The following TJP1 variants were observed in gnomAD, a reference collection of about 807,000 sequenced individuals.
The protein encoded by TJP1 is tight junction protein 1, also known as tight junction protein ZO-1.
Under a neutral mutation model 194.2 loss-of-function variants are expected in TJP1, and 43 were observed. The ratio of observed to expected loss-of-function variants is 0.22; its 90% CI spans 0.17 to 0.29. The LOEUF (loss-of-function observed/expected upper bound fraction) is 0.29. Among genes scored for constraint, TJP1 ranks in the 10% least tolerant of loss-of-function variants. The probability of loss-of-function intolerance (pLI) is 1.00; values close to 1 mark genes in which losing one functional copy is unlikely to be tolerated. For synonymous variants in TJP1, 801 were observed against 779.0 expected, an observed-to-expected ratio of 1.03 and a Z score of -0.47; for missense variants, 1,971 against 2,185.7, an observed-to-expected ratio of 0.90 and a Z score of 1.96.
Position 29,822,219 on chromosome 15 carries a change from C to G in TJP1, c.-191G>C, listed in dbSNP as rs1192503052. The stretch of plus-strand genomic sequence containing the variant: ...GACAAAAGTCCGGGAAGCGCCCGCC[C>G]CGCCCGGGTCTTCTCCACGGGGCGC... On this transcript the variant is annotated 5_prime_UTR_variant, in exon 1 of 28. Coordinates refer to ENST00000614355, the MANE Select transcript of TJP1 (RefSeq NM_001330239.4). The G allele has an allele frequency of 3.5e-5, 41 of 1,178,052 alleles. No individual in the cohort carries two copies. Among genetic ancestry groups the G allele is most frequent in the Non-Finnish European group, 4.2e-5 (40 of 953,206 alleles). The allele number at this position is 1,178,052 out of a possible 1,614,324, so 73.0% of individuals were successfully genotyped here.
chr15:29,839,516 G>A (rs2152063660), intron 2 of TJP1, among the ~76,000 whole-genome samples: 1 of 152,210 alleles, frequency 6.6e-6, no homozygotes, highest in Non-Finnish European at 1.5e-5. Flanking sequence ...GTGGTGGTGT[G>A]CACCTGTAGT....
intron 19 of TJP1, 86 bp downstream of exon 19, chr15:29,720,272 A>C: frequency 8.2e-7 from 1 of 1,226,384 alleles, no homozygotes; most frequent in East Asian, 2.3e-5. Context: ...GAGAAAGGAC[A>C]ACATATATAT....
intron 2 of TJP1, among the ~76,000 whole-genome samples, chr15:29,925,629 C>G (rs559755255): frequency 1.3e-5 from 2 of 152,242 alleles, no homozygotes; most frequent in East Asian, 3.9e-4. Flanking sequence ...CTAGTATGGG[C>G]TGTTCTTAAA....
intron 2 of TJP1, among the ~76,000 whole-genome samples, chr15:29,918,109 C>T (rs866247568): frequency 5.3e-5 from 8 of 152,170 alleles, no homozygotes; most frequent in Non-Finnish European, 8.8e-5. Flanking sequence ...ACTCACTTCA[C>T]GCAGCATAAT....
chr15:29,966,534 A>T (rs1259428244), intron 1 of TJP1, among the ~76,000 whole-genome samples: 1 of 151,876 alleles, frequency 6.6e-6, no homozygotes, highest in African/African-American at 2.4e-5. Context: ...ATAATAAATA[A>T]TTTTAAACTG....
chr15:29,859,051 G>A (rs532009645), intron 2 of TJP1, among the ~76,000 whole-genome samples: 1 of 152,090 alleles, frequency 6.6e-6, no homozygotes, highest in Non-Finnish European at 1.5e-5. Context: ...AATAACTGAG[G>A]ATTGATTGTG....
chr15:29,742,764 T>C lies in TJP1; in HGVS notation c.1028A>G (p.Glu343Gly), dbSNP rs767476664. Reference protein sequence around the residue: ...PSNGSLRSRDEERISKPGAVS... With the variant: ...PSNGSLRSRDGERISKPGAVS... ...AGCCCCAGGTTTAGAAATTCTCTCT[T>C]CATCTCTACTCCGGAGACTGTGTGT... Residue 343 changes from glutamate (E) to glycine (G), a missense_variant, in exon 9 of 28, where the codon GAA (glutamate) becomes GGA (glycine). By Grantham distance (98) the Glu-to-Gly change is moderately conservative (BLOSUM62 -2). Coordinates refer to ENST00000614355, the MANE Select transcript of TJP1 (RefSeq NM_001330239.4). 6.2e-7 allele frequency: 1 copy of C among 1,601,660 alleles called. No homozygotes were observed. Among genetic ancestry groups the C allele is most frequent in the Non-Finnish European group, 8.5e-7 (1 of 1,175,724 alleles).
At chr15:29,732,905 T>A in intron 13 of TJP1, 90 bp from the exon 14 acceptor site, 1 of 1,337,740 alleles carries the variant, frequency 7.5e-7, no homozygotes, top group South Asian at 1.5e-5. Flanking sequence ...CAATACTGGA[T>A]GGAAGTTCAC....
intron 2 of TJP1, among the ~76,000 whole-genome samples, chr15:29,894,818 G>A (rs1168591019): frequency 2.0e-5 from 3 of 152,228 alleles, no homozygotes; most frequent in African/African-American, 7.2e-5. Context: ...CTGCATACCT[G>A]CAAAGATGGC....
intron 11 of TJP1, among the ~76,000 whole-genome samples, chr15:29,736,119 G>A (rs902023969): frequency 1.3e-5 from 2 of 152,106 alleles, no homozygotes; most frequent in Admixed American, 6.6e-5. Flanking sequence ...CAGTCAAAAC[G>A]CTGCTAAAAA....
rs367926568 is a variant in TJP1, at chr15:29,705,565, C to T, written c.5031G>A (p.Arg1677=). 2 of 1,614,042 alleles carry T rather than the reference C, an allele frequency of 1.2e-6. No homozygotes were observed. The highest frequency in any genetic ancestry group is 1.7e-5 in the Admixed American group (1 of 59,996). ...CTAAAGGTGGAAGGATGCTGTTGTC[C>T]CGGCAGACCTTGAAATAGATTTCCT... ...VEQEIYFKVC[R]DNSILPPLDK... is the part of the protein sequence containing the mutation. Residue 1677 remains arginine (R), a synonymous_variant, in exon 26 of 28, where the codon CGG becomes CGA. Transcript: ENST00000614355.
intron 25 of TJP1, 32 bp from the exon 26 acceptor site, chr15:29,705,777 T>G: frequency 1.3e-6 from 2 of 1,592,524 alleles, no homozygotes; most frequent in African/African-American, 2.7e-5. Context: ...GTGAGTGAAT[T>G]CCTAATAATA....
intron 2 of TJP1, among the ~76,000 whole-genome samples, chr15:29,890,626 C>T (rs746232332): frequency 6.6e-6 from 1 of 152,078 alleles, no homozygotes; most frequent in Non-Finnish European, 1.5e-5. Flanking sequence ...CTAGGACAGA[C>T]TGTTAGATGA....
Position 29,784,466 on chromosome 15 carries a change from A to AT in TJP1, c.85-11110dup, listed in dbSNP as rs547487976. 2.5e-3 allele frequency among the ~76,000 whole-genome samples: 380 copies of AT among 151,130 alleles called. 3 individuals carry two copies. The highest frequency in any genetic ancestry group is 8.6e-3 in the African/African-American group (352 of 41,166). ...AGGTGCCCACCACCAAGCCTGGCTAATTTTTTTTTGTATTTTTAGTAGAGA... is the reference window on the plus strand; with the variant it reads ...AGGTGCCCACCACCAAGCCTGGCTAATTTTTTTTTTGTATTTTTAGTAGAGA... On this transcript the variant is annotated intron_variant, in intron 2 of 27. Coordinates refer to ENST00000614355, the MANE Select transcript of TJP1 (RefSeq NM_001330239.4).
intron 1 of TJP1, among the ~76,000 whole-genome samples, chr15:29,958,617 T>A (rs892616648): frequency 6.6e-6 from 1 of 152,190 alleles, no homozygotes; most frequent in East Asian, 1.9e-4. Flanking sequence ...TATACACACA[T>A]GTACATTAAC....
At chr15:29,905,926 A>G (rs1285830553) in intron 2 of TJP1, among the ~76,000 whole-genome samples, 1 of 152,220 alleles carries the variant, frequency 6.6e-6, no homozygotes, top group Admixed American at 6.5e-5. Flanking sequence ...ATATGATACT[A>G]TAATGGTGGA....
At chr15:29,889,318 T>C (rs140611997) in intron 2 of TJP1, among the ~76,000 whole-genome samples, 189 of 152,344 alleles carry the variant, frequency 1.2e-3, no homozygotes, top group African/African-American at 4.2e-3. Context: ...TGAAATACTT[T>C]TTTTCTCTGT....
intron 2 of TJP1, among the ~76,000 whole-genome samples, chr15:29,842,890 C>A (rs1305231648): frequency 6.6e-6 from 1 of 152,158 alleles, no homozygotes; most frequent in Non-Finnish European, 1.5e-5. Flanking sequence ...AGCAAAGTTG[C>A]ATAATGGTCT....
At chr15:29,743,169 A>C (rs1719261253) in intron 8 of TJP1, 1 of 155,406 alleles carries the variant, frequency 6.4e-6, no homozygotes, top group African/African-American at 2.4e-5. Context: ...ATCAAGTCCT[A>C]AAAAAAGAGT....
Sources: gnomAD v4.1 joint callset for allele counts (sites outside exome capture counted in the v4.1 genomes callset) on GRCh38, gnomAD v4.1.1 for gene constraint, MANE v1.5 for transcripts, NCBI Gene and HGNC (gene_info 2026-07-23, HGNC 2026-07-21) for gene names.